SRGAP1: variants seen among roughly 807,000 people sequenced by gnomAD.
SRGAP1 encodes the protein SLIT-ROBO Rho GTPase-activating protein 1.
In SRGAP1, 43 loss-of-function variants were observed where a neutral mutation model predicts 121.9. The ratio of observed to expected loss-of-function variants is 0.35; its 90% CI spans 0.28 to 0.46. The LOEUF (loss-of-function observed/expected upper bound fraction) is 0.46. Ranked by LOEUF, SRGAP1 falls within the 20% of genes least tolerant of loss-of-function variation. The probability of loss-of-function intolerance (pLI) is 1.00; values close to 1 mark genes in which losing one functional copy is unlikely to be tolerated. For synonymous variants in SRGAP1, 447 were observed against 485.4 expected (o/e 0.92, Z 1.04); for missense variants, 1,102 against 1,350.9 (o/e 0.82, Z 2.89).
At chr12:64,091,219 T>G in intron 11 of SRGAP1, 57 bp from the exon 12 acceptor site, 1 of 1,260,990 alleles carries the variant, frequency 7.9e-7, no homozygotes, top group Non-Finnish European at 1.1e-6. Context: ...GACCTATAGA[T>G]GTTTCATTTA....
intron 15 of SRGAP1, among the ~76,000 whole-genome samples, chr12:64,101,782 G>GT (rs569160173): frequency 1.0e-3 from 156 of 150,752 alleles, no homozygotes; most frequent in African/African-American, 3.4e-3. Context: ...AGTAATTCAT[G>GT]TTTTTTTTTC....
At chr12:63,950,634 C>A (rs1451285193) in intron 1 of SRGAP1, among the ~76,000 whole-genome samples, 1 of 152,090 alleles carries the variant, frequency 6.6e-6, no homozygotes, top group Non-Finnish European at 1.5e-5. Flanking sequence ...TCCTGTGTCC[C>A]TCCGTGCCCT....
Position 63,889,477 on chromosome 12 carries a change from G to T in SRGAP1, c.67+44594G>T, listed in dbSNP as rs1900504114. Reference sequence around the variant, plus strand: ...CTTGTGTGAATACTCAGTCTAAGTAGTGAGTCATAGGAGCAGCTGCTGCTG... The same window carrying T: ...CTTGTGTGAATACTCAGTCTAAGTATTGAGTCATAGGAGCAGCTGCTGCTG... On this transcript the variant is annotated intron_variant, in intron 1 of 21. Coordinates refer to ENST00000355086, the MANE Select transcript of SRGAP1 (RefSeq NM_020762.4). 2.0e-5 allele frequency among the ~76,000 whole-genome samples: 3 copies of T among 152,172 alleles called. No homozygotes were observed. The South Asian group carries it at 6.2e-4, about 31-fold the overall frequency.
intron 1 of SRGAP1, among the ~76,000 whole-genome samples, chr12:63,949,725 A>C (rs961853942): frequency 2.0e-5 from 3 of 152,164 alleles, no homozygotes; most frequent in Non-Finnish European, 4.4e-5. Flanking sequence ...AACGTATTGT[A>C]GAAATGCGGT....
intron 6 of SRGAP1, among the ~76,000 whole-genome samples, chr12:64,061,852 T>C (rs563804642): frequency 1.3e-5 from 2 of 152,354 alleles, no homozygotes; most frequent in Middle Eastern, 3.4e-3. Context: ...ATCCATGTTA[T>C]GGCATGTATC....
At chr12:64,082,989 T>C (rs1049832657) in intron 10 of SRGAP1, among the ~76,000 whole-genome samples, 1 of 152,208 alleles carries the variant, frequency 6.6e-6, no homozygotes, top group Non-Finnish European at 1.5e-5. Context: ...TGCCTGGATA[T>C]GACACTGACA....
intron 3 of SRGAP1, among the ~76,000 whole-genome samples, chr12:64,007,879 T>C (rs1326822677): frequency 6.6e-6 from 1 of 152,188 alleles, no homozygotes; most frequent in Non-Finnish European, 1.5e-5. Context: ...TTGAATATTC[T>C]AAAAAGTAAA....
At chr12:64,082,549 T>G (rs2035867144) in intron 10 of SRGAP1, among the ~76,000 whole-genome samples, 1 of 151,988 alleles carries the variant, frequency 6.6e-6, no homozygotes, top group South Asian at 2.1e-4. Flanking sequence ...CTCCCAGGTT[T>G]AAGTGATTCT....
intron 4 of SRGAP1, among the ~76,000 whole-genome samples, chr12:64,022,194 A>G (rs138834643): frequency 2.0e-5 from 3 of 152,156 alleles, no homozygotes; most frequent in East Asian, 3.9e-4. Context: ...GTGATTTACT[A>G]TAAGGAGTTG....
chr12:64,155,832 G>T lies in SRGAP1; in HGVS notation c.*13160G>T, dbSNP rs530373916. 6.6e-6 allele frequency: 1 copy of T among 151,860 alleles called. No homozygotes were observed. Among genetic ancestry groups the T allele is most frequent in the Non-Finnish European group, 1.5e-5 (1 of 68,012 alleles). 9.4% of individuals were successfully genotyped at this position (151,860 alleles called of 1,614,324 possible). On this transcript the variant is annotated 3_prime_UTR_variant, in exon 22 of 22. Transcript: ENST00000355086. ...GTATTTTTAGTACAGCCGGGGTTTCGCCATGTTGGCCAGGCTGGTCTTGAA... is the reference window on the plus strand; with the variant it reads ...GTATTTTTAGTACAGCCGGGGTTTCTCCATGTTGGCCAGGCTGGTCTTGAA...
chr12:64,030,612 C>T (rs2034755048), intron 4 of SRGAP1, among the ~76,000 whole-genome samples: 1 of 151,912 alleles, frequency 6.6e-6, no homozygotes, highest in Non-Finnish European at 1.5e-5. Context: ...TGACTAATGC[C>T]CTGATTTAAC....
At chr12:64,085,658 A>T (rs950086747) in intron 10 of SRGAP1, among the ~76,000 whole-genome samples, 1 of 152,184 alleles carries the variant, frequency 6.6e-6, no homozygotes, top group African/African-American at 2.4e-5. Flanking sequence ...TCTACTTCTC[A>T]GTAGACCTTC....
chr12:63,995,979 AG>A (rs531134151), intron 3 of SRGAP1, among the ~76,000 whole-genome samples: 29 of 149,136 alleles, frequency 1.9e-4, no homozygotes, highest in Non-Finnish European at 3.5e-4. Flanking sequence ...AGTTAATAAA[AG>A]ATACCACTTG....
At chr12:64,004,914 A>AT (rs938254596) in intron 3 of SRGAP1, among the ~76,000 whole-genome samples, 2 of 152,130 alleles carry the variant, frequency 1.3e-5, no homozygotes, top group African/African-American at 4.8e-5. Context: ...ATTCTAAAAG[A>AT]TTTTTCAGCA....
chr12:64,026,927 CAG>C (rs559279724), intron 4 of SRGAP1, among the ~76,000 whole-genome samples: 46 of 151,972 alleles, frequency 3.0e-4, no homozygotes, highest in African/African-American at 1.0e-3. Flanking sequence ...CTGGAAGACT[CAG>C]AGAGATTAAG....
chr12:64,021,860 A>C (rs2034557304), intron 4 of SRGAP1, among the ~76,000 whole-genome samples: 1 of 152,238 alleles, frequency 6.6e-6, no homozygotes, highest in Admixed American at 6.5e-5. Context: ...GCTAAAAGTG[A>C]AAGGGTGAAC....
rs1450240916 is a variant in SRGAP1, at chr12:64,146,483, C to G, written c.*3811C>G. On this transcript the variant is annotated 3_prime_UTR_variant, in exon 22 of 22. Transcript: ENST00000355086. ...TGACATAGCCTCTGGAGTCTACAAA[C>G]TGAAGAAACTTTCATCTGATCAGCC... 1 of 152,110 alleles carries G rather than the reference C, an allele frequency of 6.6e-6. No homozygotes were observed. The highest frequency in any genetic ancestry group is 1.9e-4 in the East Asian group (1 of 5,190). The allele number at this position is 152,110 out of a possible 1,614,324, so 9.4% of individuals were successfully genotyped here. A position where few individuals can be genotyped will look rare whatever the true frequency, so the allele number is the denominator to read the frequency against.
chr12:64,017,655 A>C (rs2034438388), intron 4 of SRGAP1, among the ~76,000 whole-genome samples: 1 of 140,720 alleles, frequency 7.1e-6, no homozygotes, highest in Non-Finnish European at 1.6e-5. Context: ...ACTCTATCTC[A>C]AAAAAAAAAA....
rs2037196065 is a variant in SRGAP1, at chr12:64,159,652, A to C, written c.*16980A>C. On this transcript the variant is annotated 3_prime_UTR_variant, in exon 22 of 22. Transcript: ENST00000355086. ...AGATCCTGTCTCAAAAAATAATAAC[A>C]ATAACGTATGAGAGAGGATTCAAGC... 6.6e-6 allele frequency: 1 copy of C among 152,222 alleles called. No homozygotes were observed. The highest frequency in any genetic ancestry group is 2.1e-4 in the South Asian group (1 of 4,834). 9.4% of individuals were successfully genotyped at this position (152,222 alleles called of 1,614,324 possible).
Sources: allele counts gnomAD v4.1 joint callset (sites outside exome capture counted in the v4.1 genomes callset), GRCh38; gene constraint gnomAD v4.1.1; transcripts MANE v1.5; gene names NCBI Gene and HGNC (gene_info 2026-07-23, HGNC 2026-07-21).